The following GABRG3 variants were observed in gnomAD, a reference collection of about 807,000 sequenced individuals.
The protein encoded by GABRG3 is gamma-aminobutyric acid receptor subunit gamma-3.
A neutral mutation model predicts 48.8 loss-of-function variants in GABRG3; 25 were observed. That is an observed-to-expected ratio of 0.51 (90% confidence interval 0.37 to 0.72). GABRG3 has a LOEUF of 0.72. GABRG3 is among the 30% of genes least tolerant of loss of function. The probability of loss-of-function intolerance (pLI) is 0.00; values close to 1 mark genes in which losing one functional copy is unlikely to be tolerated. For synonymous variants in GABRG3, 227 were observed against 217.6 expected, an observed-to-expected ratio of 1.04 and a Z score of -0.38; for missense variants, 394 against 577.9, an observed-to-expected ratio of 0.68 and a Z score of 3.26.
At chr15:27,467,345 G>C (rs997073789) in intron 5 of GABRG3, among the ~76,000 whole-genome samples, 12 of 152,202 alleles carry the variant, frequency 7.9e-5, no homozygotes, top group African/African-American at 2.9e-4. Context: ...TGAATTTGTG[G>C]GGGGGACACA....
chr15:27,477,301 T>C (rs1889969034), intron 5 of GABRG3, among the ~76,000 whole-genome samples: 1 of 152,156 alleles, frequency 6.6e-6, no homozygotes, highest in Non-Finnish European at 1.5e-5. Context: ...ATTAAATGCA[T>C]ATTACTAATA....
At chr15:27,335,945 T>C (rs1348536245) in intron 5 of GABRG3, among the ~76,000 whole-genome samples, 1 of 152,268 alleles carries the variant, frequency 6.6e-6, no homozygotes, top group African/African-American at 2.4e-5. Context: ...CTCAGCACTT[T>C]GGGAGGCCGA....
Position 27,180,174 on chromosome 15 carries a change from G to A in GABRG3, c.271-146635G>A, listed in dbSNP as rs551906383. 5.9e-5 allele frequency among the ~76,000 whole-genome samples: 9 copies of A among 152,242 alleles called. No homozygotes were observed. Among genetic ancestry groups the A allele is most frequent in the East Asian group, 3.9e-4 (2 of 5,166 alleles). On this transcript the variant is annotated intron_variant, in intron 3 of 9. Coordinates refer to ENST00000615808, the MANE Select transcript of GABRG3 (RefSeq NM_033223.5). This position sits in a 1 kb window ranked among gnomAD's most constrained non-coding sequence, Gnocchi z 4.2. Reference sequence around the variant, plus strand: ...GCCCGGGGGGTGAGATACATAAATTGAGCCTGCCCATAATGAACACACACT... The same window carrying A: ...GCCCGGGGGGTGAGATACATAAATTAAGCCTGCCCATAATGAACACACACT...
At chr15:27,351,344 ATGTG>A (rs1034370233) in intron 5 of GABRG3, among the ~76,000 whole-genome samples, 7 of 113,300 alleles carry the variant, frequency 6.2e-5, no homozygotes, top group Non-Finnish European at 1.1e-4. Flanking sequence ...TGTATGGTAT[ATGTG>A]TGTATGTGTG....
intron 3 of GABRG3, among the ~76,000 whole-genome samples, chr15:27,089,174 G>A (rs1374450229): frequency 6.6e-6 from 1 of 152,216 alleles, no homozygotes; most frequent in East Asian, 1.9e-4. Context: ...TGGACAGGAA[G>A]CAGGGCCTTG....
At chr15:27,281,474 ATT>A (rs200781979) in intron 3 of GABRG3, among the ~76,000 whole-genome samples, 6 of 143,392 alleles carry the variant, frequency 4.2e-5, no homozygotes, top group Admixed American at 7.0e-5. Context: ...CCTGTGGTTA[ATT>A]TTTTTTTTTT....
chr15:26,985,433 C>G (rs1895133472), intron 2 of GABRG3, among the ~76,000 whole-genome samples: 1 of 152,206 alleles, frequency 6.6e-6, no homozygotes, highest in Admixed American at 6.5e-5. Context: ...GTTGCAGATA[C>G]TAGGTTTTAA....
At chr15:26,990,096 A>G (rs1243944364) in intron 2 of GABRG3, among the ~76,000 whole-genome samples, 2 of 152,240 alleles carry the variant, frequency 1.3e-5, no homozygotes, top group Admixed American at 6.5e-5. Context: ...CAGAATGAAG[A>G]TATCTCTTCC....
At chr15:27,195,476 C>T (rs904960322) in intron 3 of GABRG3, among the ~76,000 whole-genome samples, 21 of 146,966 alleles carry the variant, frequency 1.4e-4, no homozygotes, top group Non-Finnish European at 2.9e-4. Context: ...GGACTACAGG[C>T]ATGCACCACC....
At chr15:27,100,989 T>A (rs1897346158) in intron 3 of GABRG3, among the ~76,000 whole-genome samples, 1 of 152,092 alleles carries the variant, frequency 6.6e-6, no homozygotes, top group South Asian at 2.1e-4. Context: ...GAATAAGCAA[T>A]TATTAGGCAA....
At chr15:27,484,675 T>C (rs1389976987) in intron 6 of GABRG3, among the ~76,000 whole-genome samples, 1 of 152,080 alleles carries the variant, frequency 6.6e-6, no homozygotes, top group Admixed American at 6.6e-5. Context: ...GCAGTGAATA[T>C]ACAAGATGAG....
intron 3 of GABRG3, among the ~76,000 whole-genome samples, chr15:27,101,208 G>T (rs971800296): frequency 2.0e-5 from 3 of 152,130 alleles, no homozygotes; most frequent in African/African-American, 7.2e-5. Context: ...AGTTTTTACA[G>T]TTGCTTCAAA....
At chr15:27,485,957 A>G (rs1473900186) in intron 6 of GABRG3, among the ~76,000 whole-genome samples, 4 of 152,220 alleles carry the variant, frequency 2.6e-5, no homozygotes, top group African/African-American at 7.2e-5. Context: ...GTTAATCCAT[A>G]TCTTTGCCAT....
chr15:27,038,844 C>T (rs1896224801), intron 3 of GABRG3, among the ~76,000 whole-genome samples: 1 of 152,162 alleles, frequency 6.6e-6, no homozygotes, highest in Admixed American at 6.6e-5. Context: ...CAGCAAAGAA[C>T]TGTCAGGAAG....
At chr15:27,072,187 T>G (rs928006599) in intron 3 of GABRG3, among the ~76,000 whole-genome samples, 24 of 152,210 alleles carry the variant, frequency 1.6e-4, no homozygotes, top group Non-Finnish European at 2.2e-4. Context: ...AGTCTTCTCA[T>G]GGTCTGAAAA....
intron 5 of GABRG3, among the ~76,000 whole-genome samples, chr15:27,431,283 G>C (rs1888445050): frequency 6.6e-6 from 1 of 151,998 alleles, no homozygotes; most frequent in Admixed American, 6.6e-5. Context: ...AGTGCCATCT[G>C]GAAGTTTTAA....
At chr15:27,308,274 T>TAAACATACGTTTATATATAAAC (rs1340254062) in intron 3 of GABRG3, among the ~76,000 whole-genome samples, 1 of 127,372 alleles carries the variant, frequency 7.9e-6, no homozygotes, top group Non-Finnish European at 1.6e-5. Flanking sequence ...ATAAACATAA[T>TAAACATACGTTTATATATAAAC]ATAAACATAC....
chr15:27,480,799 C>T lies in GABRG3; in HGVS notation c.712+12C>T, dbSNP rs762127317. Reference sequence around the variant, plus strand: ...GACAACGTCTGCAGGTAGGAATTTACTGAAAGAGGCACAGCTCTCAAAAGC... The same window carrying T: ...GACAACGTCTGCAGGTAGGAATTTATTGAAAGAGGCACAGCTCTCAAAAGC... On this transcript the variant is annotated intron_variant, in intron 6 of 9. Coordinates refer to ENST00000615808, the MANE Select transcript of GABRG3 (RefSeq NM_033223.5). The T allele has an allele frequency of 9.3e-6, 15 of 1,612,918 alleles. No homozygotes were observed. The highest frequency in any genetic ancestry group is 1.3e-5 in the Non-Finnish European group (15 of 1,179,544).
chr15:27,041,659 T>G (rs1374364197), intron 3 of GABRG3, among the ~76,000 whole-genome samples: 1 of 152,264 alleles, frequency 6.6e-6, no homozygotes, highest in Non-Finnish European at 1.5e-5. Flanking sequence ...GTTCATGTAC[T>G]ACATTTGCCA....
Sources: allele counts gnomAD v4.1 joint callset (sites outside exome capture counted in the v4.1 genomes callset), GRCh38; gene constraint gnomAD v4.1.1; non-coding constraint Gnocchi (gnomAD v3.1); transcripts MANE v1.5; gene names NCBI Gene and HGNC (gene_info 2026-07-23, HGNC 2026-07-21).